PPARGC1A: variants seen among roughly 807,000 people sequenced by gnomAD.
PPARGC1A encodes the protein peroxisome proliferator-activated receptor gamma coactivator 1-alpha.
Under a neutral mutation model 88.7 loss-of-function variants are expected in PPARGC1A, and 25 were observed. That is an observed-to-expected ratio of 0.28 (90% CI 0.21 to 0.39). The LOEUF (loss-of-function observed/expected upper bound fraction) is 0.39, where lower values mean the gene tolerates loss of function less well. Among genes scored for constraint, PPARGC1A ranks in the 10% least tolerant of loss-of-function variants. PPARGC1A has a pLI of 1.00. For missense variants in PPARGC1A, 880 were observed against 968.7 expected, an observed-to-expected ratio of 0.91 and a Z score of 1.22; for synonymous variants, 363 against 355.6, an observed-to-expected ratio of 1.02 and a Z score of -0.24.
the PPARGC1A span, among the ~76,000 whole-genome samples, chr4:24,165,271 C>T: frequency 6.6e-6 from 1 of 151,940 alleles, no homozygotes; most frequent in South Asian, 2.1e-4. Context: ...GAAATTTGAT[C>T]AAACTGAAAT....
chr4:23,829,860 G>A (rs57029237), intron 3 of PPARGC1A, among the ~76,000 whole-genome samples: 5,985 of 152,174 alleles, frequency 0.039, 121 homozygotes, highest in Middle Eastern at 0.058. Context: ...AAATGCAAAT[G>A]TGCCAATTAT....
At chr4:23,827,492 G>A (rs935695674) in intron 5 of PPARGC1A, among the ~76,000 whole-genome samples, 1 of 152,048 alleles carries the variant, frequency 6.6e-6, no homozygotes, top group African/African-American at 2.4e-5. Context: ...TCCACCACAA[G>A]GTTAAAGTAG....
chr4:24,165,919 T>G, the PPARGC1A span, among the ~76,000 whole-genome samples: 2 of 152,182 alleles, frequency 1.3e-5, no homozygotes, highest in Non-Finnish European at 2.9e-5. Flanking sequence ...CGTCTCTCAC[T>G]TTAAATAAAA....
chr4:24,262,471 T>C, the PPARGC1A span, among the ~76,000 whole-genome samples: 5 of 152,236 alleles, frequency 3.3e-5, no homozygotes, highest in South Asian at 1.0e-3. Flanking sequence ...AAGGAAAACA[T>C]GAAACGAACA....
At chr4:24,067,069 G>A in the PPARGC1A span, among the ~76,000 whole-genome samples, 5 of 151,932 alleles carry the variant, frequency 3.3e-5, no homozygotes, top group Non-Finnish European at 5.9e-5. Flanking sequence ...ATATCTATAC[G>A]TTCATTAGGC....
the PPARGC1A span, among the ~76,000 whole-genome samples, chr4:24,386,402 C>A: frequency 2.0e-5 from 3 of 152,068 alleles, no homozygotes; most frequent in East Asian, 5.8e-4. Flanking sequence ...GGCAATAAGG[C>A]AAGAGAAAGA....
the PPARGC1A span, among the ~76,000 whole-genome samples, chr4:24,175,923 G>A: frequency 5.3e-5 from 8 of 151,858 alleles, no homozygotes; most frequent in African/African-American, 1.7e-4. Context: ...AGGCCCTTTC[G>A]AAGCTTAGCA....
chr4:24,352,145 G>A, the PPARGC1A span, among the ~76,000 whole-genome samples: 2 of 152,158 alleles, frequency 1.3e-5, no homozygotes, highest in East Asian at 3.9e-4. Context: ...TGGGAGGCGA[G>A]AGGCCAGGAG....
At chr4:24,264,152 A>G in the PPARGC1A span, among the ~76,000 whole-genome samples, 1 of 152,238 alleles carries the variant, frequency 6.6e-6, no homozygotes. Context: ...TATGTGATCA[A>G]TAAAGCTTCC....
chr4:24,171,499 G>T, the PPARGC1A span, among the ~76,000 whole-genome samples: 9 of 151,732 alleles, frequency 5.9e-5, no homozygotes, highest in Non-Finnish European at 1.2e-4. Flanking sequence ...ACCACCAAAC[G>T]TACTATATAT....
chr4:23,836,988 A>G (rs1726140695), intron 2 of PPARGC1A, among the ~76,000 whole-genome samples: 1 of 152,198 alleles, frequency 6.6e-6, no homozygotes, highest in African/African-American at 2.4e-5. Flanking sequence ...AGCTATTATG[A>G]AAGGACCATG....
chr4:24,127,462 G>A, the PPARGC1A span, among the ~76,000 whole-genome samples: 1 of 152,030 alleles, frequency 6.6e-6, no homozygotes. Context: ...AGGATGAGAT[G>A]AGGGTGGATC....
At chr4:24,138,755 T>C in the PPARGC1A span, among the ~76,000 whole-genome samples, 1 of 152,174 alleles carries the variant, frequency 6.6e-6, no homozygotes, top group Non-Finnish European at 1.5e-5. Flanking sequence ...CCCTGTAGCC[T>C]ACAGACTCAG....
the PPARGC1A span, among the ~76,000 whole-genome samples, chr4:24,158,649 G>C: frequency 6.6e-6 from 1 of 152,164 alleles, no homozygotes; most frequent in African/African-American, 2.4e-5. Flanking sequence ...ATTATCTCTG[G>C]AGTAAAATAA....
chr4:23,801,745 T>C lies in PPARGC1A; in HGVS notation c.2278A>G (p.Asn760Asp). ...FCGRKQFFKS[N>D]YADLDSNSDD... ...AAATCCATACCTAGGTCTGCATAGT[T>C]AGACTTGAAAAATTGCTTGCGTCCA... The change falls in exon 12 of 13, where the codon AAC becomes GAC. Residue 760 changes from asparagine to aspartate, a missense_variant. Physicochemically the swap from Asn to Asp is conservative, Grantham distance 23. Transcript: ENST00000264867. 2 of 1,614,022 alleles carry C rather than the reference T, an allele frequency of 1.2e-6. No individual in the cohort carries two copies. Among genetic ancestry groups the C allele is most frequent in the East Asian group, 2.2e-5 (1 of 44,834 alleles).
chr4:24,356,200 CAAAAAAA>C, the PPARGC1A span, among the ~76,000 whole-genome samples: 5 of 74,562 alleles, frequency 6.7e-5, no homozygotes, highest in East Asian at 9.9e-4. Flanking sequence ...CCGTCTCAAA[CAAAAAAA>C]AAAAAAAAAA....
At chr4:24,460,282 A>G in the PPARGC1A span, among the ~76,000 whole-genome samples, 3 of 152,200 alleles carry the variant, frequency 2.0e-5, no homozygotes, top group Admixed American at 6.5e-5. Flanking sequence ...CTGGGTCTGT[A>G]TTCAATGCTA....
the PPARGC1A span, among the ~76,000 whole-genome samples, chr4:24,204,056 T>C: frequency 3.9e-5 from 6 of 152,202 alleles, no homozygotes; most frequent in South Asian, 6.2e-4. Context: ...AGTCAAGATG[T>C]TGAAAACGAA....
At chr4:23,920,727 T>C in the PPARGC1A span, among the ~76,000 whole-genome samples, 2 of 152,172 alleles carry the variant, frequency 1.3e-5, no homozygotes, top group African/African-American at 4.8e-5. Flanking sequence ...AAGGGGAAAT[T>C]ATACAGTGTT....
Sources: gnomAD v4.1 joint callset for allele counts (sites outside exome capture counted in the v4.1 genomes callset) on GRCh38, gnomAD v4.1.1 for gene constraint, MANE v1.5 for transcripts, NCBI Gene and HGNC (gene_info 2026-07-23, HGNC 2026-07-21) for gene names.